IGSF11: variants seen among roughly 807,000 people sequenced by gnomAD.
The protein encoded by IGSF11 is immunoglobulin superfamily member 11.
Under a neutral mutation model 41.0 loss-of-function variants are expected in IGSF11, and 22 were observed. The observed-to-expected ratio is 0.54, with a 90% CI of 0.38 to 0.77. IGSF11 has a LOEUF of 0.77. Ranked by LOEUF, IGSF11 falls within the 30% of genes least tolerant of loss-of-function variation. The pLI is 0.00. For missense variants in IGSF11, 444 were observed against 530.8 expected, an observed-to-expected ratio of 0.84 and a Z score of 1.61; for synonymous variants, 219 against 201.3, an observed-to-expected ratio of 1.09 and a Z score of -0.74.
intron 1 of IGSF11, among the ~76,000 whole-genome samples, chr3:119,050,763 T>C (rs922447466): frequency 3.3e-5 from 5 of 151,634 alleles, no homozygotes; most frequent in African/African-American, 7.3e-5. Flanking sequence ...CCAACAATGA[T>C]AGACTGGATT....
At chr3:118,967,226 T>C (rs1463105249) in intron 1 of IGSF11, among the ~76,000 whole-genome samples, 3 of 152,084 alleles carry the variant, frequency 2.0e-5, no homozygotes, top group African/African-American at 7.2e-5. Flanking sequence ...GAGAGAGATA[T>C]ATATATAATC....
intron 1 of IGSF11, among the ~76,000 whole-genome samples, chr3:119,068,738 C>T (rs1942305563): frequency 6.6e-6 from 1 of 151,992 alleles, no homozygotes; most frequent in Non-Finnish European, 1.5e-5. Context: ...TTCAAAGAAA[C>T]TTTAGAAATA....
chr3:119,021,840 T>C (rs1939323734), intron 1 of IGSF11, among the ~76,000 whole-genome samples: 1 of 152,022 alleles, frequency 6.6e-6, no homozygotes, highest in Non-Finnish European at 1.5e-5. Context: ...AATGAATCAA[T>C]TAAGAACTTC....
intron 1 of IGSF11, among the ~76,000 whole-genome samples, 163 bp from the exon 2 acceptor site, chr3:118,930,438 A>G (rs545346131): frequency 1.3e-5 from 2 of 152,350 alleles, no homozygotes; most frequent in East Asian, 3.9e-4. Context: ...AGTCAAAATA[A>G]TAAAAATGGT....
chr3:119,067,355 A>T (rs895690997), intron 1 of IGSF11, among the ~76,000 whole-genome samples: 1 of 152,008 alleles, frequency 6.6e-6, no homozygotes, highest in Non-Finnish European at 1.5e-5. Context: ...TGAGCTTCCC[A>T]TTCTTCAGTT....
At chr3:119,046,914 A>G (rs973986603) in intron 1 of IGSF11, among the ~76,000 whole-genome samples, 2 of 147,150 alleles carry the variant, frequency 1.4e-5, no homozygotes, top group Non-Finnish European at 3.0e-5. Context: ...TAAGTGAAGG[A>G]GAAATAAAAT....
At chr3:119,044,594 C>G (rs950397852) in intron 1 of IGSF11, among the ~76,000 whole-genome samples, 8 of 152,112 alleles carry the variant, frequency 5.3e-5, no homozygotes, top group Non-Finnish European at 1.0e-4. Flanking sequence ...AGATCATCAC[C>G]TAGGCACAGA....
intron 1 of IGSF11, among the ~76,000 whole-genome samples, chr3:119,072,144 TG>T (rs1315338970): frequency 6.6e-6 from 1 of 152,234 alleles, no homozygotes; most frequent in Non-Finnish European, 1.5e-5. Context: ...GAGATTTCTT[TG>T]TTTCCGTACA....
chr3:119,001,716 G>A (rs1466760352), intron 1 of IGSF11, among the ~76,000 whole-genome samples: 1 of 149,270 alleles, frequency 6.7e-6, no homozygotes, highest in African/African-American at 2.5e-5. Flanking sequence ...GTGAGAATAT[G>A]CAGTGTTTGG....
At chr3:119,079,783 C>A (rs2076559119) in intron 1 of IGSF11, among the ~76,000 whole-genome samples, 1 of 152,168 alleles carries the variant, frequency 6.6e-6, no homozygotes. Context: ...AATTCAGGAA[C>A]AGAACATCAA....
intron 1 of IGSF11, among the ~76,000 whole-genome samples, chr3:119,094,060 G>A (rs1158048343): frequency 2.0e-5 from 3 of 151,088 alleles, no homozygotes; most frequent in East Asian, 1.9e-4. Context: ...CACCTCATGA[G>A]GTATAACATG....
chr3:118,914,983 C>CCA (rs1299040071), intron 4 of IGSF11, among the ~76,000 whole-genome samples: 181 of 142,994 alleles, frequency 1.3e-3, no homozygotes, highest in African/African-American at 3.8e-3. Context: ...GAGGCACCCC[C>CCA]CAGCAGGGGC....
chr3:118,991,839 A>G (rs970168402), intron 1 of IGSF11, among the ~76,000 whole-genome samples: 4 of 152,228 alleles, frequency 2.6e-5, no homozygotes, highest in Admixed American at 2.6e-4. Context: ...ATTATCCACA[A>G]GGTCTGGAAA....
chr3:118,915,655 G>A (rs1353371883), intron 4 of IGSF11, among the ~76,000 whole-genome samples: 2 of 29,396 alleles, frequency 6.8e-5, no homozygotes, highest in Non-Finnish European at 1.0e-4. Flanking sequence ...GTGATGCGGA[G>A]AATGGAACCA....
At chr3:119,062,271 A>G (rs981551844) in intron 1 of IGSF11, among the ~76,000 whole-genome samples, 5 of 152,220 alleles carry the variant, frequency 3.3e-5, no homozygotes, top group African/African-American at 1.2e-4. Context: ...TTTTGCAGCC[A>G]TAAGAAAATA....
chr3:119,038,010 G>A (rs1246521545), upstream of IGSF11, among the ~76,000 whole-genome samples: 1 of 152,076 alleles, frequency 6.6e-6, no homozygotes, highest in African/African-American at 2.4e-5. Context: ...ATCCTTGCTT[G>A]AGCCAGTAAC....
chr3:118,976,516 C>T (rs953320994), intron 1 of IGSF11, among the ~76,000 whole-genome samples: 3 of 152,222 alleles, frequency 2.0e-5, no homozygotes, highest in Non-Finnish European at 4.4e-5. Flanking sequence ...TCTACCACTG[C>T]TGCCATGATC....
At chr3:119,078,184 C>T (rs1016394963) in intron 1 of IGSF11, among the ~76,000 whole-genome samples, 1 of 151,996 alleles carries the variant, frequency 6.6e-6, no homozygotes, top group Non-Finnish European at 1.5e-5. Flanking sequence ...TCATATGGAA[C>T]CAAAAAAGAG....
At chr3:119,052,658 C>T (rs1440538886) in intron 1 of IGSF11, among the ~76,000 whole-genome samples, 1 of 151,730 alleles carries the variant, frequency 6.6e-6, no homozygotes, top group Non-Finnish European at 1.5e-5. Flanking sequence ...CAGTATTACC[C>T]TAATACCAAA....
Sources: gnomAD v4.1 joint callset for allele counts (sites outside exome capture counted in the v4.1 genomes callset) on GRCh38, gnomAD v4.1.1 for gene constraint, MANE v1.5 for transcripts, NCBI Gene and HGNC (gene_info 2026-07-23, HGNC 2026-07-21) for gene names.